Variants in REG4 observed in about 807,000 individuals in gnomAD.
The protein encoded by REG4 is regenerating islet-derived protein 4.
In REG4, 16 loss-of-function variants were observed where a neutral mutation model predicts 22.3. The observed-to-expected ratio is 0.72, with a 90% CI of 0.49 to 1.09. The LOEUF (loss-of-function observed/expected upper bound fraction) is 1.09. Among genes scored for constraint, REG4 ranks in the 50% least tolerant of loss-of-function variants. The pLI is 0.00. For synonymous variants in REG4, 71 were observed against 69.2 expected, an observed-to-expected ratio of 1.03 and a Z score of -0.13; for missense variants, 214 against 193.9, an observed-to-expected ratio of 1.10 and a Z score of -0.61.
Position 119,794,476 on chromosome 1 carries a change from C to A in REG4, c.*142G>T. ...CAATGCTAAAGTTTCTGTCTCTAAG[C>A]CTAAAAAAGCCAGTGTAGTAGGGCC... On this transcript the variant is annotated 3_prime_UTR_variant, in exon 6 of 6. Transcript: ENST00000256585. 1.3e-6 allele frequency: 1 copy of A among 763,518 alleles called. No homozygotes were observed. 47.3% of individuals were successfully genotyped at this position (763,518 alleles called of 1,614,324 possible). A position where few individuals can be genotyped will look rare whatever the true frequency, so the allele number is the denominator to read the frequency against.
At chr1:119,810,127 T>A (rs1052749474) in intron 1 of REG4, among the ~76,000 whole-genome samples, 12 of 152,112 alleles carry the variant, frequency 7.9e-5, no homozygotes, top group Non-Finnish European at 1.6e-4. Context: ...ATTTTTGCCA[T>A]TCTGAAATTT....
Position 119,794,599 on chromosome 1 carries a change from C to A in REG4, c.*19G>T. On this transcript the variant is annotated 3_prime_UTR_variant, in exon 6 of 6. Coordinates refer to ENST00000256585, the MANE Select transcript of REG4 (RefSeq NM_032044.4). The stretch of plus-strand genomic sequence containing the variant: ...GAGGACGGGGCTGTGCAGGAGTTAG[C>A]AGAATCTTGATTCTTGCTCTATGGT... The A allele has an allele frequency of 6.2e-7, 1 of 1,609,196 alleles. No homozygotes were observed. The highest frequency in any genetic ancestry group is 2.2e-5 in the East Asian group (1 of 44,866).
intron 3 of REG4, chr1:119,802,537 T>C: frequency 9.1e-7 from 1 of 1,104,908 alleles, no homozygotes; most frequent in Non-Finnish European, 1.1e-6. Context: ...TTACTTTGAC[T>C]GTCTATTTGG....
intron 2 of REG4, among the ~76,000 whole-genome samples, chr1:119,805,655 C>T (rs1654285254): frequency 6.6e-6 from 1 of 151,974 alleles, no homozygotes; most frequent in Non-Finnish European, 1.5e-5. Flanking sequence ...TCTGTCTTAC[C>T]ATCTCTCTGT....
intron 3 of REG4, chr1:119,802,581 T>C: frequency 8.4e-7 from 1 of 1,192,856 alleles, no homozygotes; most frequent in Non-Finnish European, 1.0e-6. Flanking sequence ...CGAAATAAAA[T>C]GGACAGGTTT....
chr1:119,794,836 G>C (rs1653886560), intron 5 of REG4, 151 bp from the exon 6 acceptor site: 3 of 714,828 alleles, frequency 4.2e-6, no homozygotes, highest in Non-Finnish European at 7.4e-6. Flanking sequence ...ACAGTTGTTT[G>C]ATTGCTGCGA....
chr1:119,796,564 TA>T (rs145060774), intron 5 of REG4, among the ~76,000 whole-genome samples: 3,873 of 152,018 alleles, frequency 0.025, 182 homozygotes, highest in African/African-American at 0.089. Flanking sequence ...CATTTTGAAT[TA>T]AAAAAAATAG....
Position 119,794,179 on chromosome 1 carries a change from C to T in REG4, c.*439G>A, listed in dbSNP as rs1401339889. ...AACCTTCCCATGGCCAAAGGAAAAA[C>T]AAGCAGGAGTTGAGTGGCTGGGGTG... On this transcript the variant is annotated 3_prime_UTR_variant, in exon 6 of 6. Coordinates refer to ENST00000256585, the MANE Select transcript of REG4 (RefSeq NM_032044.4). 3.7e-6 allele frequency: 2 copies of T among 535,312 alleles called. No homozygotes were observed. The highest frequency in any genetic ancestry group is 7.7e-6 in the Non-Finnish European group (2 of 261,370). 33.2% of individuals were successfully genotyped at this position (535,312 alleles called of 1,614,324 possible).
intron 1 of REG4, among the ~76,000 whole-genome samples, chr1:119,810,879 C>G (rs1654473800): frequency 6.6e-6 from 1 of 152,002 alleles, no homozygotes; most frequent in South Asian, 2.1e-4. Flanking sequence ...ATGGCACAAC[C>G]CTGTCTCTAT....
chr1:119,794,508 A>C lies in REG4; in HGVS notation c.*110T>G. On this transcript the variant is annotated 3_prime_UTR_variant, in exon 6 of 6. Coordinates refer to ENST00000256585, the MANE Select transcript of REG4 (RefSeq NM_032044.4). ...AAGCCAGTGTAGTAGGGCCCTTATC[A>C]CTCTTAGTTTGCTAGGTTTCCCCTC... 1.0e-6 allele frequency: 1 copy of C among 1,004,884 alleles called. No homozygotes were observed. Among genetic ancestry groups the C allele is most frequent in the Non-Finnish European group, 1.6e-6 (1 of 630,568 alleles). 62.2% of individuals were successfully genotyped at this position (1,004,884 alleles called of 1,614,324 possible). A position where few individuals can be genotyped will look rare whatever the true frequency, so the allele number is the denominator to read the frequency against.
rs768793021 is a variant in REG4 at position 119,802,851 on chromosome 1, G to C, written c.165+217C>G. ...TCCTATGTATCCGTATGTGCTTGTA[G>C]CCCATCTAGGGTCTGGCATACAGCA... On this transcript the variant is annotated intron_variant, in intron 3 of 5. Coordinates refer to ENST00000256585, the MANE Select transcript of REG4 (RefSeq NM_032044.4). The C allele has an allele frequency of 5.8e-6, 9 of 1,544,076 alleles. 1 individual carries two copies. The South Asian group carries it at 1.1e-4, about 18-fold the overall frequency.
intron 5 of REG4, among the ~76,000 whole-genome samples, chr1:119,796,550 T>C (rs1011019100): frequency 1.3e-5 from 2 of 151,904 alleles, no homozygotes; most frequent in African/African-American, 4.9e-5. Flanking sequence ...GGGGCATTAA[T>C]ATACATTTTG....
intron 3 of REG4, chr1:119,802,433 C>T (rs1654138734): frequency 1.2e-5 from 12 of 994,852 alleles, no homozygotes; most frequent in African/African-American, 3.5e-5. Flanking sequence ...ATTGTAAGAC[C>T]GCATAGGCCC....
At chr1:119,795,929 C>G (rs1465923626) in intron 5 of REG4, among the ~76,000 whole-genome samples, 1 of 152,192 alleles carries the variant, frequency 6.6e-6, no homozygotes, top group Non-Finnish European at 1.5e-5. Context: ...TGTGGATAAG[C>G]TAGAATAGCA....
chr1:119,802,797 C>T (rs780911852), intron 3 of REG4: 1 of 1,490,076 alleles, frequency 6.7e-7, no homozygotes, highest in Admixed American at 2.5e-5. Flanking sequence ...CCTTTACTGA[C>T]AGTGAGCTTG....
Position 119,794,511 on chromosome 1 carries a change from CTT to C in REG4, c.*105_*106del, listed in dbSNP as rs1653873906. Reference sequence around the variant, plus strand: ...CCAGTGTAGTAGGGCCCTTATCACTCTTAGTTTGCTAGGTTTCCCCTCTGAAA... The same window carrying C: ...CCAGTGTAGTAGGGCCCTTATCACTCAGTTTGCTAGGTTTCCCCTCTGAAA... On this transcript the variant is annotated 3_prime_UTR_variant, in exon 6 of 6. Transcript: ENST00000256585. 1 of 1,056,450 alleles carries C rather than the reference CTT, an allele frequency of 9.5e-7. No homozygotes were observed. The highest frequency in any genetic ancestry group is 2.4e-5 in the East Asian group (1 of 42,206). The allele number at this position is 1,056,450 out of a possible 1,614,324, so 65.4% of individuals were successfully genotyped here. A position where few individuals can be genotyped will look rare whatever the true frequency, so the allele number is the denominator to read the frequency against.
chr1:119,794,455 G>C lies in REG4; in HGVS notation c.*163C>G. ...AGCTAGAAGCCACTACTGGGCCAAT[G>C]CTAAAGTTTCTGTCTCTAAGCCTAA... On this transcript the variant is annotated 3_prime_UTR_variant, in exon 6 of 6. Transcript: ENST00000256585. 1.4e-6 allele frequency: 1 copy of C among 701,810 alleles called. No individual in the cohort carries two copies. The allele number at this position is 701,810 out of a possible 1,614,324, so 43.5% of individuals were successfully genotyped here.
chr1:119,798,725 C>A, intron 4 of REG4, 123 bp from the exon 5 acceptor site: 5 of 629,282 alleles, frequency 7.9e-6, no homozygotes, highest in South Asian at 5.3e-5. Context: ...TACAGAAATG[C>A]TTAAAGAAGG....
At chr1:119,799,585 T>G in intron 4 of REG4, 140 bp downstream of exon 4, 1 of 1,078,952 alleles carries the variant, frequency 9.3e-7, no homozygotes, top group Non-Finnish European at 1.3e-6. Flanking sequence ...ACCTTGAGAC[T>G]TTGGTCTCCG....
Sources: allele counts gnomAD v4.1 joint callset (sites outside exome capture counted in the v4.1 genomes callset), GRCh38; gene constraint gnomAD v4.1.1; transcripts MANE v1.5; gene names NCBI Gene and HGNC (gene_info 2026-07-23, HGNC 2026-07-21).